The following TNK2 variants were observed in gnomAD, a reference collection of about 807,000 sequenced individuals.
TNK2 encodes the protein activated CDC42 kinase 1.
In TNK2, 83 loss-of-function variants were observed where a neutral mutation model predicts 101.8. The observed-to-expected ratio is 0.82, with a 90% confidence interval of 0.68 to 0.98. The LOEUF (loss-of-function observed/expected upper bound fraction) is 0.98, where lower values mean the gene tolerates loss of function less well. TNK2 is among the 50% of genes least tolerant of loss of function. The probability of loss-of-function intolerance (pLI) is 0.00; values close to 1 mark genes in which losing one functional copy is unlikely to be tolerated. For synonymous variants in TNK2, 804 were observed against 633.0 expected (o/e 1.27, Z -4.06); for missense variants, 1,665 against 1,483.2 (o/e 1.12, Z -2.01).
At chr3:195,903,085 A>C (rs1761386494) in intron 1 of TNK2, among the ~76,000 whole-genome samples, 1 of 121,666 alleles carries the variant, frequency 8.2e-6, no homozygotes, top group Non-Finnish European at 1.7e-5. Flanking sequence ...TTTGTGACAG[A>C]GTCGGAATGC....
chr3:195,893,154 C>T (rs1477525574), intron 1 of TNK2, among the ~76,000 whole-genome samples: 8 of 151,966 alleles, frequency 5.3e-5, no homozygotes, highest in African/African-American at 1.7e-4. Context: ...CCAGAGGCTC[C>T]GCTGGGCCCT....
chr3:195,873,091 G>C (rs927102645), intron 9 of TNK2, among the ~76,000 whole-genome samples: 2 of 152,174 alleles, frequency 1.3e-5, no homozygotes, highest in Non-Finnish European at 2.9e-5. Context: ...CCTGCTTCCG[G>C]AGCTTTCCAC....
chr3:195,869,846 C>T (rs940855666), intron 11 of TNK2: 5 of 558,808 alleles, frequency 8.9e-6, no homozygotes, highest in Non-Finnish European at 1.6e-5. Flanking sequence ...AAGCCAGGAT[C>T]TGAGCTCGGC....
Position 195,882,661 on chromosome 3 carries a change from C to T in TNK2, c.610-333G>A. 1 of 628,040 alleles carries T rather than the reference C, an allele frequency of 1.6e-6. No individual in the cohort carries two copies. Among genetic ancestry groups the T allele is most frequent in the Non-Finnish European group, 2.6e-6 (1 of 391,140 alleles). The allele number at this position is 628,040 out of a possible 1,614,324, so 38.9% of individuals were successfully genotyped here. On this transcript the variant is annotated intron_variant, in intron 5 of 15. Coordinates refer to ENST00000672887, the MANE Select transcript of TNK2 (RefSeq NM_001382273.1). The surrounding 1 kb of genome is among the most constrained non-coding windows in gnomAD (Gnocchi z 4.2). ...TCATTTGAGGTCAGGAGTTTGAGAC[C>T]AGCCTGGCCAACATGGTGAAACCCC...
At chr3:195,876,855 A>G (rs1457280299) in intron 9 of TNK2, 1 of 357,194 alleles carries the variant, frequency 2.8e-6, no homozygotes, top group Non-Finnish European at 5.5e-6. Context: ...CCAGCTCCAG[A>G]GACACACGCC....
intron 9 of TNK2, among the ~76,000 whole-genome samples, chr3:195,876,913 A>G (rs1749713519): frequency 6.6e-6 from 1 of 152,198 alleles, no homozygotes; most frequent in South Asian, 2.1e-4. Flanking sequence ...TGGCAGGCAC[A>G]CAGGCTCCTG....
In TNK2 at chr3:195,872,313, G is replaced by A. The variant is rs1329188399; in HGVS notation, c.1414C>T (p.Pro472Ser). Residue 472 changes from proline (P) to serine (S), a missense_variant, in exon 10 of 16, where the codon CCC (proline) becomes TCC (serine). Transcript: ENST00000672887. ...FIHTGHGDSD[P>S]RHCWGFPDRI... ...TCCGGGAAGCCCCAGCAGTGGCGGG[G>A]GTCACTGTCGCCATGCCCTGTGTGG... 6 of 1,613,322 alleles carry A rather than the reference G, an allele frequency of 3.7e-6. No homozygotes were observed. The Admixed American group carries it at 6.7e-5, about 18-fold the overall frequency.
intron 2 of TNK2, among the ~76,000 whole-genome samples, chr3:195,887,943 C>A (rs998469701): frequency 1.1e-4 from 12 of 110,716 alleles, no homozygotes; most frequent in Non-Finnish European, 2.0e-4. Flanking sequence ...TGCGCATGTG[C>A]GTGTGTGCCT....
In TNK2 at chr3:195,864,095, C is replaced by G. The variant is rs1314747254; in HGVS notation, c.*86G>C. 6.3e-7 allele frequency: 1 copy of G among 1,580,788 alleles called. No homozygotes were observed. Among genetic ancestry groups the G allele is most frequent in the African/African-American group, 1.3e-5 (1 of 74,276 alleles). ...AGCAGGAGCAGCGGGTCCTCCAGGA[C>G]TGGATGGGGGCATCTCCCCACTCCT... On this transcript the variant is annotated 3_prime_UTR_variant, in exon 16 of 16. Coordinates refer to ENST00000672887, the MANE Select transcript of TNK2 (RefSeq NM_001382273.1).
chr3:195,892,560 G>T, intron 1 of TNK2: 1 of 1,498,302 alleles, frequency 6.7e-7, no homozygotes, highest in Non-Finnish European at 8.9e-7. Flanking sequence ...TTCGCACTCT[G>T]CCCAGGAGCC....
At chr3:195,893,572 C>A (rs942821527) in intron 1 of TNK2, among the ~76,000 whole-genome samples, 1 of 152,112 alleles carries the variant, frequency 6.6e-6, no homozygotes, top group Non-Finnish European at 1.5e-5. Flanking sequence ...CCCGTGGGGC[C>A]CTCATGTTTC....
chr3:195,895,745 G>C (rs77828245), intron 1 of TNK2: 2 of 365,160 alleles, frequency 5.5e-6, no homozygotes, highest in Non-Finnish European at 9.0e-6. Context: ...CCGTATTCAC[G>C]GTAAGGGGCC....
chr3:195,868,800 T>C (rs1205887522), intron 12 of TNK2, 91 bp from the exon 13 acceptor site: 22 of 1,401,020 alleles, frequency 1.6e-5, no homozygotes, highest in Non-Finnish European at 2.1e-5. Flanking sequence ...AAGCCAAGTG[T>C]CCCCCAGCAA....
intron 15 of TNK2, among the ~76,000 whole-genome samples, chr3:195,866,332 G>A (rs951643250): frequency 2.6e-5 from 4 of 152,012 alleles, no homozygotes; most frequent in Non-Finnish European, 5.9e-5. Context: ...TCCCCAGCAG[G>A]TGGGATTACA....
Position 195,878,754 on chromosome 3 carries a change from C to A in TNK2, c.1015-162G>T, listed in dbSNP as rs1750800787. Among the ~76,000 whole-genome samples, 1 of 152,252 alleles carries A rather than the reference C, an allele frequency of 6.6e-6. No individual in the cohort carries two copies. The highest frequency in any genetic ancestry group is 2.1e-4 in the South Asian group (1 of 4,836). On this transcript the variant is annotated intron_variant, in intron 7 of 15. Transcript: ENST00000672887. The surrounding 1 kb of genome is among the most constrained non-coding windows in gnomAD (Gnocchi z 4.7). ...GAGGGGCCCTCTCCAGAGCCCCAGT[C>A]CCTTCTTCCCAGGTCTGGAGCCTCG... is the stretch of plus-strand genomic sequence containing the variant.
chr3:195,869,734 G>A, intron 11 of TNK2, 193 bp from the exon 12 acceptor site: 1 of 635,786 alleles, frequency 1.6e-6, no homozygotes, highest in Non-Finnish European at 2.8e-6. Context: ...GGTCCAGTAT[G>A]ATAGGCAGAG....
intron 4 of TNK2, chr3:195,884,542 C>A (rs1754717833): frequency 2.5e-6 from 1 of 406,106 alleles, no homozygotes; most frequent in African/African-American, 2.0e-5. Context: ...ACTCAGGAGG[C>A]TGAGGCAGGA....
intron 9 of TNK2, chr3:195,876,430 G>A (rs1416555302): frequency 4.4e-6 from 2 of 456,682 alleles, no homozygotes; most frequent in African/African-American, 2.0e-5. Context: ...GCACACCCAG[G>A]CCCAAAGACT....
Position 195,878,420 on chromosome 3 carries a change from C to G in TNK2, c.1161+26G>C, listed in dbSNP as rs747248044. On this transcript the variant is annotated intron_variant, in intron 8 of 15. Transcript: ENST00000672887. This position sits in a 1 kb window ranked among gnomAD's most constrained non-coding sequence, Gnocchi z 4.7. ...TAGCCCCTCAGCTTGAACACCCCAG[C>G]TCTCCTGGGCTGACCTGTCCCTCAC... 3 of 1,610,000 alleles carry G rather than the reference C, an allele frequency of 1.9e-6. No homozygotes were observed. The highest frequency in any genetic ancestry group is 2.5e-6 in the Non-Finnish European group (3 of 1,179,124).
Sources: allele counts gnomAD v4.1 joint callset (sites outside exome capture counted in the v4.1 genomes callset), GRCh38; gene constraint gnomAD v4.1.1; non-coding constraint Gnocchi (gnomAD v3.1); transcripts MANE v1.5; gene names NCBI Gene and HGNC (gene_info 2026-07-23, HGNC 2026-07-21).